TMTC1: variants seen among roughly 807,000 people sequenced by gnomAD.
TMTC1 encodes the protein transmembrane O-mannosyltransferase targeting cadherins 1, also known as protein O-mannosyl-transferase TMTC1.
In TMTC1, 73 loss-of-function variants were observed where a neutral mutation model predicts 104.8. The observed-to-expected ratio is 0.70, with a 90% CI of 0.58 to 0.85. The LOEUF (loss-of-function observed/expected upper bound fraction) is 0.85. Among genes scored for constraint, TMTC1 ranks in the 40% least tolerant of loss-of-function variants. The pLI, the probability that TMTC1 is intolerant of heterozygous loss-of-function variation, is 0.00. For synonymous variants in TMTC1, 434 were observed against 428.7 expected (o/e 1.01, Z -0.15); for missense variants, 1,035 against 1,096.1 (o/e 0.94, Z 0.79).
intron 8 of TMTC1, 111 bp downstream of exon 8, chr12:29,583,296 T>G (rs1946033203): frequency 1.0e-6 from 1 of 970,098 alleles, no homozygotes. Context: ...TTATTAAAGA[T>G]AATTTTCCTT....
chr12:29,717,831 A>C (rs1942128284), intron 5 of TMTC1, among the ~76,000 whole-genome samples: 1 of 152,190 alleles, frequency 6.6e-6, no homozygotes. Flanking sequence ...CATTATAACT[A>C]ATTATTACAA....
intron 10 of TMTC1, among the ~76,000 whole-genome samples, chr12:29,539,443 C>T (rs373578299): frequency 8.5e-5 from 13 of 152,140 alleles, no homozygotes; most frequent in Admixed American, 1.3e-4. Flanking sequence ...GTGCCGACAA[C>T]GGGAAGAACT....
At chr12:29,599,187 T>C (rs1463336377) in intron 7 of TMTC1, among the ~76,000 whole-genome samples, 1 of 152,230 alleles carries the variant, frequency 6.6e-6, no homozygotes, top group East Asian at 1.9e-4. Flanking sequence ...AGCAATTTAA[T>C]GTGGTTTTTA....
intron 11 of TMTC1, chr12:29,532,661 A>ATAG (rs33947671): frequency 8.3e-3 from 1 of 120 alleles, no homozygotes; most frequent in Non-Finnish European, 0.045. Context: ...AAAGAGATGC[A>ATAG]TATTAAAGAA....
chr12:29,538,247 TAC>T (rs1944699276), intron 10 of TMTC1, among the ~76,000 whole-genome samples: 2 of 152,228 alleles, frequency 1.3e-5, no homozygotes, highest in African/African-American at 4.8e-5. Context: ...ATGACTTCCA[TAC>T]ACACACTACG....
At chr12:29,624,555 G>C (rs1295207733) in intron 6 of TMTC1, among the ~76,000 whole-genome samples, 1 of 152,154 alleles carries the variant, frequency 6.6e-6, no homozygotes, top group African/African-American at 2.4e-5. Context: ...CTTACTGTCT[G>C]TGATGGGTCT....
intron 5 of TMTC1, among the ~76,000 whole-genome samples, chr12:29,736,581 G>A (rs1275257089): frequency 4.6e-5 from 7 of 151,986 alleles, no homozygotes; most frequent in South Asian, 2.1e-4. Flanking sequence ...CACCACGCCC[G>A]GCTAATTTTT....
intron 5 of TMTC1, among the ~76,000 whole-genome samples, chr12:29,647,412 C>T (rs1450723108): frequency 1.3e-5 from 2 of 152,146 alleles, no homozygotes; most frequent in Non-Finnish European, 1.5e-5. Flanking sequence ...TTGCACAGCT[C>T]TCTTTAAACA....
At chr12:29,646,604 C>G (rs1450658787) in intron 5 of TMTC1, among the ~76,000 whole-genome samples, 1 of 152,188 alleles carries the variant, frequency 6.6e-6, no homozygotes, top group East Asian at 1.9e-4. Context: ...ATGTGACTCC[C>G]TCTTCTCTCC....
In TMTC1 at chr12:29,503,307, A is replaced by C. The variant is rs901017273; in HGVS notation, c.*3539T>G. The C allele has an allele frequency of 6.6e-6, 1 of 152,218 alleles. No homozygotes were observed. The highest frequency in any genetic ancestry group is 2.4e-5 in the African/African-American group (1 of 41,458). 9.4% of individuals were successfully genotyped at this position (152,218 alleles called of 1,614,324 possible). A position where few individuals can be genotyped will look rare whatever the true frequency, so the allele number is the denominator to read the frequency against. On this transcript the variant is annotated 3_prime_UTR_variant, in exon 18 of 18. Coordinates refer to ENST00000539277, the MANE Select transcript of TMTC1 (RefSeq NM_001193451.2). ...AATACAATTTCTTTTCCTCCAAGGC[A>C]TTTGCATCTTTGGTTTAGTTCACCT...
In TMTC1 at chr12:29,615,965, C is replaced by T. The variant is rs148900609; in HGVS notation, c.1129-11666G>A. Among the ~76,000 whole-genome samples the T allele has an allele frequency of 2.3e-3, 343 of 152,226 alleles. 1 individual carries two copies. Among genetic ancestry groups the T allele is most frequent in the African/African-American group, 8.0e-3 (334 of 41,532 alleles). On this transcript the variant is annotated intron_variant, in intron 6 of 17. Transcript: ENST00000539277. ...TTTGTATATCAAAGTTGATACTTCC[C>T]AAAGCACGTTGCAAGAACATTTATC...
At chr12:29,669,080 C>G (rs867802027) in intron 5 of TMTC1, among the ~76,000 whole-genome samples, 1 of 150,576 alleles carries the variant, frequency 6.6e-6, no homozygotes, top group South Asian at 2.1e-4. Context: ...AAGCAACCAG[C>G]AGAAACAGGG....
intron 8 of TMTC1, among the ~76,000 whole-genome samples, chr12:29,572,604 T>C (rs1014132128): frequency 6.6e-6 from 1 of 152,126 alleles, no homozygotes; most frequent in African/African-American, 2.4e-5. Flanking sequence ...TGAGAGCACA[T>C]TGTACAACAT....
intron 5 of TMTC1, among the ~76,000 whole-genome samples, chr12:29,733,063 G>T (rs984067720): frequency 3.0e-4 from 45 of 152,168 alleles, no homozygotes; most frequent in African/African-American, 1.1e-3. Context: ...TTCAAATAGT[G>T]ACTGCATGTG....
chr12:29,544,444 A>G (rs1264983299), intron 10 of TMTC1, among the ~76,000 whole-genome samples: 1 of 151,814 alleles, frequency 6.6e-6, no homozygotes, highest in East Asian at 1.9e-4. Context: ...GCTCACACAC[A>G]CACCTCACAC....
chr12:29,647,740 C>A (rs888605359), intron 5 of TMTC1, among the ~76,000 whole-genome samples: 1 of 152,208 alleles, frequency 6.6e-6, no homozygotes, highest in Non-Finnish European at 1.5e-5. Context: ...CAAATCTATT[C>A]TAGTTGTTTA....
At position 29,783,554 on chromosome 12, in the gene TMTC1, G is replaced by A. The variant is rs1168792350; in HGVS notation, c.198C>T (p.Gly66=). The A allele has an allele frequency of 3.4e-6, 5 of 1,475,920 alleles. No individual in the cohort carries two copies. The highest frequency in any genetic ancestry group is 2.2e-5 in the Admixed American group (1 of 44,864). The allele number at this position is 1,475,920 out of a possible 1,614,324, so 91.4% of individuals were successfully genotyped here. ...AIVNNPDVRP[G]APLRWGIFTN... ...TGAAGATGCCCCAGCGGAGCGGGGCGCCGGGCCGCACGTCGGGGTTGTTCA... is the reference window on the plus strand; with the variant it reads ...TGAAGATGCCCCAGCGGAGCGGGGCACCGGGCCGCACGTCGGGGTTGTTCA... Residue 66 remains glycine, a synonymous_variant, in exon 1 of 18, where the codon GGC becomes GGT. Transcript: ENST00000539277. The surrounding 1 kb of genome is among the most constrained non-coding windows in gnomAD (Gnocchi z 4.7).
intron 5 of TMTC1, among the ~76,000 whole-genome samples, chr12:29,652,480 A>C (rs139195626): frequency 2.0e-5 from 3 of 152,380 alleles, no homozygotes; most frequent in African/African-American, 7.2e-5. Flanking sequence ...GACAAAAAGC[A>C]AAACAAGGAT....
chr12:29,768,883 T>A (rs1017079192), intron 1 of TMTC1, among the ~76,000 whole-genome samples: 8 of 152,160 alleles, frequency 5.3e-5, no homozygotes, highest in Non-Finnish European at 1.0e-4. Flanking sequence ...AAGGTTGCCT[T>A]AAATTTAATA....
Sources: gnomAD v4.1 joint callset for allele counts (sites outside exome capture counted in the v4.1 genomes callset) on GRCh38, gnomAD v4.1.1 for gene constraint, Gnocchi (gnomAD v3.1) non-coding constraint, MANE v1.5 for transcripts, NCBI Gene and HGNC (gene_info 2026-07-23, HGNC 2026-07-21) for gene names.